Variants in NCBP1 observed in about 807,000 individuals in gnomAD.
NCBP1 encodes nuclear cap binding protein subunit 1.
Under a neutral mutation model 111.7 loss-of-function variants are expected in NCBP1, and 16 were observed. The ratio of observed to expected loss-of-function variants is 0.14; its 90% confidence interval spans 0.10 to 0.22. NCBP1 has a LOEUF of 0.22. NCBP1 is among the 10% of genes least tolerant of loss of function. NCBP1 has a pLI of 1.00. For synonymous variants in NCBP1, 304 were observed against 314.3 expected (o/e 0.97, Z 0.35); for missense variants, 607 against 957.5 (o/e 0.63, Z 4.83).
At chr9:97,666,622 TTGC>T in intron 19 of NCBP1, 138 bp from the exon 20 acceptor site, 1 of 559,416 alleles carries the variant, frequency 1.8e-6, no homozygotes, top group Non-Finnish European at 3.1e-6. Flanking sequence ...TTTGTAAGTA[TTGC>T]TGGAGAAAGA....
chr9:97,654,231 T>G (rs1827579132), intron 11 of NCBP1, among the ~76,000 whole-genome samples: 1 of 152,172 alleles, frequency 6.6e-6, no homozygotes, highest in Non-Finnish European at 1.5e-5. Context: ...TTACCCACAG[T>G]AGAACTTCTT....
At chr9:97,642,969 A>C (rs1827241865) in intron 3 of NCBP1, among the ~76,000 whole-genome samples, 1 of 152,176 alleles carries the variant, frequency 6.6e-6, no homozygotes, top group South Asian at 2.1e-4. Flanking sequence ...ATAACTTTAC[A>C]ATTAAATCAT....
At chr9:97,663,158 A>G (rs1292050015) in intron 18 of NCBP1, 111 bp downstream of exon 18, 2 of 806,664 alleles carry the variant, frequency 2.5e-6, no homozygotes, top group Non-Finnish European at 2.0e-6. Flanking sequence ...CTCTGCCTAG[A>G]TAATGGTTTT....
At chr9:97,665,069 A>T (rs1448653091) in intron 19 of NCBP1, among the ~76,000 whole-genome samples, 4 of 152,240 alleles carry the variant, frequency 2.6e-5, no homozygotes, top group African/African-American at 9.6e-5. Flanking sequence ...AGTTGACACA[A>T]AGCAGGAAAC....
chr9:97,634,009 C>T (rs1003991091), intron 1 of NCBP1, 94 bp downstream of exon 1: 13 of 1,382,250 alleles, frequency 9.4e-6, no homozygotes, highest in Non-Finnish European at 1.2e-5. Flanking sequence ...GGAAGCTCTT[C>T]TCCCCGGGAA....
In NCBP1 at chr9:97,641,552, T is replaced by TCAG; in HGVS notation, c.124-9_124-8insAGC. 6.3e-7 allele frequency: 1 copy of TCAG among 1,580,200 alleles called. No individual in the cohort carries two copies. Among genetic ancestry groups the TCAG allele is most frequent in the South Asian group, 1.2e-5 (1 of 85,612 alleles). On this transcript the variant is annotated splice_polypyrimidine_tract_variant and intron_variant, in intron 2 of 22. Coordinates refer to ENST00000375147, the MANE Select transcript of NCBP1 (RefSeq NM_002486.5). ...TACTTGACAGATATTTAATGTGATGTCCTCTACAGAGTGCCTGCTCTTTGG... is the reference window on the plus strand; with the variant it reads ...TACTTGACAGATATTTAATGTGATGTCAGCCTCTACAGAGTGCCTGCTCTTTGG...
chr9:97,653,779 A>G lies in NCBP1; in HGVS notation c.1060-19A>G, dbSNP rs1827563845. ...AAGATAGCAGTTGGATTGAATTGTG[A>G]CTCATGATTCTTTTGTAGGTGATCT... On this transcript the variant is annotated intron_variant, in intron 10 of 22. Transcript: ENST00000375147. 2 of 1,589,210 alleles carry G rather than the reference A, an allele frequency of 1.3e-6. No individual in the cohort carries two copies. The highest frequency in any genetic ancestry group is 2.7e-5 in the African/African-American group (2 of 74,388).
chr9:97,636,353 G>A (rs1372282231), intron 1 of NCBP1, among the ~76,000 whole-genome samples: 1 of 151,316 alleles, frequency 6.6e-6, no homozygotes, highest in Non-Finnish European at 1.5e-5. Flanking sequence ...TTAAATAGAT[G>A]CATCTGAGCA....
chr9:97,671,063 T>G, intron 22 of NCBP1, 23 bp from the exon 23 acceptor site: 1 of 1,500,130 alleles, frequency 6.7e-7, no homozygotes, highest in African/African-American at 1.4e-5. Context: ...CTGACCTAAC[T>G]ACCCCCTTTT....
At chr9:97,665,728 A>G (rs1587725583) in intron 19 of NCBP1, among the ~76,000 whole-genome samples, 4 of 152,304 alleles carry the variant, frequency 2.6e-5, no homozygotes, top group East Asian at 1.9e-4. Context: ...GAACAACAAC[A>G]GGGGTTAGAG....
intron 1 of NCBP1, among the ~76,000 whole-genome samples, chr9:97,638,169 C>T (rs942896702): frequency 2.0e-5 from 3 of 152,124 alleles, no homozygotes; most frequent in African/African-American, 2.4e-5. Flanking sequence ...TGTTTCTGTT[C>T]GTAAGTTCAG....
chr9:97,672,455 A>G lies in NCBP1; in HGVS notation c.*1256A>G, dbSNP rs937728796. On this transcript the variant is annotated 3_prime_UTR_variant, in exon 23 of 23. Coordinates refer to ENST00000375147, the MANE Select transcript of NCBP1 (RefSeq NM_002486.5). ...AATTCCTAGAATGTTTAAATACCAT[A>G]CTATTTAAGACAAAATACAAAATAT... 3 of 152,234 alleles carry G rather than the reference A, an allele frequency of 2.0e-5. No homozygotes were observed. The highest frequency in any genetic ancestry group is 7.2e-5 in the African/African-American group (3 of 41,458). 9.4% of individuals were successfully genotyped at this position (152,234 alleles called of 1,614,324 possible).
intron 10 of NCBP1, among the ~76,000 whole-genome samples, chr9:97,653,400 C>T (rs919973181): frequency 2.0e-5 from 3 of 152,120 alleles, no homozygotes. Context: ...GGATTACAGG[C>T]GTGAGCCACT....
intron 8 of NCBP1, among the ~76,000 whole-genome samples, chr9:97,649,464 C>A (rs1011881535): frequency 3.9e-5 from 6 of 152,096 alleles, no homozygotes; most frequent in Non-Finnish European, 5.9e-5. Context: ...TTAATATTAC[C>A]ACCTAAGTCA....
chr9:97,662,100 C>G lies in NCBP1; in HGVS notation c.1659C>G (p.His553Gln), dbSNP rs1451571445. ...AAGTCTTTGTACAGACTCTGCTACA[C>G]TTGGCAGCCAAATCATTCAGCCACT... ...KIEVFVQTLLHLAAKSFSHSF... is the reference protein window; with the variant it reads ...KIEVFVQTLLQLAAKSFSHSF... The change falls in exon 17 of 23, where the codon CAC becomes CAG. Residue 553 changes from histidine to glutamine, a missense_variant. Around this residue, in one of 9 missense-constraint regions of NCBP1, gnomAD observed 282 missense variants for 376.5 expected, o/e 0.75. Transcript: ENST00000375147. 1 of 1,613,948 alleles carries G rather than the reference C, an allele frequency of 6.2e-7. No homozygotes were observed. The highest frequency in any genetic ancestry group is 8.5e-7 in the Non-Finnish European group (1 of 1,179,850).
At chr9:97,654,556 C>T (rs1441876359) in intron 11 of NCBP1, among the ~76,000 whole-genome samples, 4 of 145,838 alleles carry the variant, frequency 2.7e-5, no homozygotes, top group Non-Finnish European at 5.9e-5. Context: ...TTGCCACAAA[C>T]CTTCAGTTAA....
intron 17 of NCBP1, 69 bp from the exon 18 acceptor site, chr9:97,662,885 G>T (rs779562115): frequency 2.6e-6 from 3 of 1,158,982 alleles, no homozygotes; most frequent in African/African-American, 1.6e-5. Flanking sequence ...ACATTGAAAA[G>T]GCTTTGAAAA....
chr9:97,660,892 G>T, intron 15 of NCBP1, 54 bp from the exon 16 acceptor site: 1 of 1,542,448 alleles, frequency 6.5e-7, no homozygotes, highest in South Asian at 1.2e-5. Flanking sequence ...CTGTTCATTA[G>T]AATAGTCTTG....
chr9:97,669,176 G>A (rs1828101005), intron 21 of NCBP1, among the ~76,000 whole-genome samples: 1 of 151,452 alleles, frequency 6.6e-6, no homozygotes, highest in Middle Eastern at 3.2e-3. Context: ...TGTTTACTTA[G>A]TATTCTCGCA....
Sources: allele counts gnomAD v4.1 joint callset (sites outside exome capture counted in the v4.1 genomes callset), GRCh38; gene constraint gnomAD v4.1.1; regional missense constraint gnomAD v4.1.1; transcripts MANE v1.5; gene names NCBI Gene and HGNC (gene_info 2026-07-23, HGNC 2026-07-21).